The following RBL2 variants were observed in gnomAD, a reference collection of about 807,000 sequenced individuals.
RBL2 encodes RB transcriptional corepressor like 2.
Under a neutral mutation model 126.0 loss-of-function variants are expected in RBL2, and 56 were observed. The observed-to-expected ratio is 0.44, with a 90% CI of 0.36 to 0.56. RBL2 has a LOEUF of 0.56. Among genes scored for constraint, RBL2 ranks in the 20% least tolerant of loss-of-function variants. RBL2 has a pLI of 0.00. For synonymous variants in RBL2, 454 were observed against 478.5 expected (o/e 0.95, Z 0.67); for missense variants, 1,229 against 1,398.2 (o/e 0.88, Z 1.93).
intron 8 of RBL2, among the ~76,000 whole-genome samples, chr16:53,457,197 C>G (rs2058175902): frequency 6.7e-6 from 1 of 149,386 alleles, no homozygotes; most frequent in South Asian, 2.1e-4. Flanking sequence ...GTTCACAGTT[C>G]ACAGTAGAGG....
chr16:53,454,672 G>T lies in RBL2; in HGVS notation c.1009G>T (p.Ala337Ser). 3.1e-6 allele frequency: 5 copies of T among 1,613,128 alleles called. No homozygotes were observed. The highest frequency in any genetic ancestry group is 4.2e-6 in the Non-Finnish European group (5 of 1,179,128). ...FGESFKAINKAYEEYVLSVGN... is the reference protein window; with the variant it reads ...FGESFKAINKSYEEYVLSVGN... Reference sequence around the variant, plus strand: ...TTCCTATAGTAAAGCCATCAATAAGGCCTATGAGGAGTATGTTTTATCTGT... The same window carrying T: ...TTCCTATAGTAAAGCCATCAATAAGTCCTATGAGGAGTATGTTTTATCTGT... The change falls in exon 8 of 22, where the codon GCC (alanine) becomes TCC (serine). Residue 337 changes from alanine (A) to serine (S), a missense_variant. Around this residue, in one of 2 missense-constraint regions of RBL2, gnomAD observed 1,070 missense variants for 1,274.3 expected, o/e 0.84. Transcript: ENST00000262133.
Position 53,490,147 on chromosome 16 carries a change from T to C in RBL2, c.3267T>C (p.Asn1089=). 1 of 1,582,442 alleles carries C rather than the reference T, an allele frequency of 6.3e-7. No individual in the cohort carries two copies. Among genetic ancestry groups the C allele is most frequent in the Non-Finnish European group, 8.6e-7 (1 of 1,163,000 alleles). ...NSPSKRLREI[N]SMIRTGETPT... ...CACCATAGAGACTGAGAGAAATTAA[T>C]AGTATGATACGCACAGGAGAAACTC... The change falls in exon 22 of 22, where the codon AAT becomes AAC. Residue 1089 remains asparagine, a synonymous_variant. Transcript: ENST00000262133.
At chr16:53,484,372 G>A (rs1487896654) in intron 21 of RBL2, among the ~76,000 whole-genome samples, 3 of 152,126 alleles carry the variant, frequency 2.0e-5, no homozygotes. Context: ...AAATGTAAAT[G>A]GTCTAAATGT....
intron 2 of RBL2, among the ~76,000 whole-genome samples, chr16:53,440,013 G>A (rs1310610744): frequency 1.3e-5 from 2 of 151,238 alleles, no homozygotes; most frequent in African/African-American, 2.4e-5. Flanking sequence ...CAGGCTGGGG[G>A]CGGTGGCTCA....
At chr16:53,435,927 G>A (rs1230467729) in intron 1 of RBL2, among the ~76,000 whole-genome samples, 1 of 152,182 alleles carries the variant, frequency 6.6e-6, no homozygotes, top group African/African-American at 2.4e-5. Flanking sequence ...GAAAAGTTCA[G>A]TATGGTGATC....
chr16:53,463,166 G>T (rs1395701370), intron 11 of RBL2, among the ~76,000 whole-genome samples: 3 of 152,140 alleles, frequency 2.0e-5, no homozygotes, highest in African/African-American at 7.2e-5. Flanking sequence ...TGGTGCTTCA[G>T]TAGCTTTTAA....
chr16:53,471,465 T>C (rs62048523), intron 17 of RBL2, among the ~76,000 whole-genome samples: 10,542 of 152,220 alleles, frequency 0.069, 416 homozygotes, highest in South Asian at 0.16. Context: ...ATAAAATTAA[T>C]TGGGTTTTTC....
At position 53,467,152 on chromosome 16, in the gene RBL2, C is replaced by G. The variant is rs1156625263; in HGVS notation, c.1958C>G (p.Thr653Ser). 1 of 1,612,660 alleles carries G rather than the reference C, an allele frequency of 6.2e-7. No homozygotes were observed. The highest frequency in any genetic ancestry group is 1.3e-5 in the African/African-American group (1 of 74,834). The change falls in exon 14 of 22, where the codon ACT becomes AGT. Residue 653 changes from threonine to serine, a missense_variant. By Grantham distance (58) the Thr-to-Ser change is moderately conservative (BLOSUM62 1). This residue lies in a region of RBL2 where 1,070 missense variants were observed against 1,274.3 expected (regional missense o/e 0.84). Transcript: ENST00000262133. ...PRRVTEVRAD[T>S]GGLGRSITSP... ...AGGGTGACTGAAGTTCGTGCTGATA[C>G]TGGAGGACTTGGAAGGAGTAAGTTT...
rs1205864460 is a variant in RBL2, at chr16:53,461,619, A to ATAGTTAT, written c.1347-122_1347-121insTAGTTAT. ...ATGGGATCTCTTGGATTAATTTGGGAAGTGTATAGTTTCTGTTCAGAGTGT... is the reference window on the plus strand; with the variant it reads ...ATGGGATCTCTTGGATTAATTTGGGATAGTTATAGTGTATAGTTTCTGTTCAGAGTGT... On this transcript the variant is annotated intron_variant, in intron 9 of 21. Transcript: ENST00000262133. 2.2e-5 allele frequency: 12 copies of ATAGTTAT among 547,178 alleles called. No individual in the cohort carries two copies. The East Asian group carries it at 4.2e-4, about 19-fold the overall frequency. The allele number at this position is 547,178 out of a possible 1,614,324, so 33.9% of individuals were successfully genotyped here. A position where few individuals can be genotyped will look rare whatever the true frequency, so the allele number is the denominator to read the frequency against.
intron 17 of RBL2, among the ~76,000 whole-genome samples, chr16:53,477,574 G>A (rs1325253594): frequency 6.6e-6 from 1 of 152,030 alleles, no homozygotes; most frequent in Non-Finnish European, 1.5e-5. Flanking sequence ...TCGAACTCCT[G>A]GCCTCAAGCA....
rs562285395 is a variant in RBL2, at chr16:53,490,391, C to CA, written c.*91_*92insA. On this transcript the variant is annotated 3_prime_UTR_variant, in exon 22 of 22. Transcript: ENST00000262133. ...TATGGAGCTTTTTTCCTTAATCCAGCTGATGAGTTACAGCCTGTTAGTAAC... is the reference window on the plus strand; with the variant it reads ...TATGGAGCTTTTTTCCTTAATCCAGCATGATGAGTTACAGCCTGTTAGTAAC... 624 of 1,247,104 alleles carry CA rather than the reference C, an allele frequency of 5.0e-4. 2 individuals carry two copies. The highest frequency in any genetic ancestry group is 8.4e-4 in the Admixed American group (34 of 40,542). The allele number at this position is 1,247,104 out of a possible 1,614,324, so 77.3% of individuals were successfully genotyped here.
chr16:53,458,870 C>G (rs1350811011), intron 8 of RBL2, among the ~76,000 whole-genome samples: 1 of 152,164 alleles, frequency 6.6e-6, no homozygotes, highest in Admixed American at 6.5e-5. Context: ...CAATTACCTC[C>G]CACTGGGTGC....
rs2058028729 is a variant in RBL2 at position 53,442,831 on chromosome 16, C to T, written c.545C>T (p.Pro182Leu). 5.0e-6 allele frequency: 8 copies of T among 1,612,954 alleles called. No homozygotes were observed. Among genetic ancestry groups the T allele is most frequent in the Non-Finnish European group, 6.8e-6 (8 of 1,179,378 alleles). ...DIFKYPQEEQ[P>L]RQQRGRKQRR... ...TTTAAATACCCTCAAGAGGAGCAAC[C>T]TCGTCAGCAGCGAGGAAGGAAACAG... Residue 182 changes from proline (P) to leucine (L), a missense_variant, in exon 3 of 22, where the codon CCT becomes CTT. Physicochemically the swap from Pro to Leu is moderately conservative, Grantham distance 98. Coordinates refer to ENST00000262133, the MANE Select transcript of RBL2 (RefSeq NM_005611.4).
chr16:53,463,527 C>G (rs981455853), intron 11 of RBL2, among the ~76,000 whole-genome samples: 2 of 150,314 alleles, frequency 1.3e-5, no homozygotes, highest in Admixed American at 6.6e-5. Context: ...CAGGTATGAG[C>G]CACCTGCCTG....
In RBL2 at chr16:53,438,228, CA is replaced by C. The variant is rs546032893; in HGVS notation, c.241-786del. On this transcript the variant is annotated intron_variant, in intron 1 of 21. Coordinates refer to ENST00000262133, the MANE Select transcript of RBL2 (RefSeq NM_005611.4). ...TGGTACCTCACCTGGAAGACTTGAGCAACTAGGTACTGGCACAGCTGGAGCT... is the reference window on the plus strand; with the variant it reads ...TGGTACCTCACCTGGAAGACTTGAGCACTAGGTACTGGCACAGCTGGAGCT... 1.7e-3 allele frequency among the ~76,000 whole-genome samples: 265 copies of C among 152,034 alleles called. 1 individual carries two copies. The highest frequency in any genetic ancestry group is 6.1e-3 in the African/African-American group (255 of 41,480).
chr16:53,452,377 C>A (rs1261554524), intron 5 of RBL2, among the ~76,000 whole-genome samples: 1 of 152,078 alleles, frequency 6.6e-6, no homozygotes, highest in Non-Finnish European at 1.5e-5. Context: ...ATTTACAAAG[C>A]AAATATTAAA....
chr16:53,457,258 C>CTTTTTTTTTTTTTTTT (rs756763534), intron 8 of RBL2, among the ~76,000 whole-genome samples: 1,138 of 89,882 alleles, frequency 0.013, 142 homozygotes, highest in South Asian at 0.017. Flanking sequence ...GTACAGATAG[C>CTTTTTTTTTTTTTTTT]TTTTTTTTTT....
chr16:53,466,820 T>G (rs954540336), intron 13 of RBL2: 4 of 387,374 alleles, frequency 1.0e-5, no homozygotes, highest in Non-Finnish European at 1.9e-5. Context: ...TGGTTGATAT[T>G]CAAACTCTCC....
intron 14 of RBL2, among the ~76,000 whole-genome samples, chr16:53,467,422 C>CT (rs2058282600): frequency 6.6e-6 from 1 of 152,224 alleles, no homozygotes; most frequent in African/African-American, 2.4e-5. Flanking sequence ...GAGTCTTGCT[C>CT]TGTCACTCAA....
Sources: gnomAD v4.1 joint callset for allele counts (sites outside exome capture counted in the v4.1 genomes callset) on GRCh38, gnomAD v4.1.1 for gene constraint, gnomAD v4.1.1 regional missense constraint, MANE v1.5 for transcripts, NCBI Gene and HGNC (gene_info 2026-07-23, HGNC 2026-07-21) for gene names.